Variants in RAB8B observed in about 807,000 individuals in gnomAD.
RAB8B encodes the protein RAB8B, member RAS oncogene family.
A neutral mutation model predicts 32.0 loss-of-function variants in RAB8B; 11 were observed. That is an observed-to-expected ratio of 0.34 (90% confidence interval 0.22 to 0.57). The LOEUF (loss-of-function observed/expected upper bound fraction) is 0.57. Ranked by LOEUF, RAB8B falls within the 20% of genes least tolerant of loss-of-function variation. The pLI is 0.86. For synonymous variants in RAB8B, 103 were observed against 89.6 expected, an observed-to-expected ratio of 1.15 and a Z score of -0.85; for missense variants, 190 against 258.5, an observed-to-expected ratio of 0.73 and a Z score of 1.82.
At chr15:63,199,651 GT>G (rs1164025746) in intron 1 of RAB8B, among the ~76,000 whole-genome samples, 2 of 151,652 alleles carry the variant, frequency 1.3e-5, no homozygotes, top group Non-Finnish European at 2.9e-5. Context: ...TCAACTTTGG[GT>G]TTTTTTTGTT....
At chr15:63,251,976 T>G (rs1370336775) in intron 3 of RAB8B, among the ~76,000 whole-genome samples, 1 of 151,976 alleles carries the variant, frequency 6.6e-6, no homozygotes, top group Non-Finnish European at 1.5e-5. Context: ...TTCAAACACA[T>G]CAACAGCATT....
At chr15:63,198,194 T>G (rs777075421) in intron 1 of RAB8B, among the ~76,000 whole-genome samples, 1 of 152,148 alleles carries the variant, frequency 6.6e-6, no homozygotes, top group Non-Finnish European at 1.5e-5. Context: ...CCGCATAAAG[T>G]GGTGGAAACA....
chr15:63,211,119 T>C (rs2037743594), intron 1 of RAB8B, among the ~76,000 whole-genome samples: 1 of 152,246 alleles, frequency 6.6e-6, no homozygotes, highest in Non-Finnish European at 1.5e-5. Flanking sequence ...ATGTGCGTCT[T>C]ATCTGCAAAA....
At chr15:63,244,716 C>G in intron 1 of RAB8B, 40 bp from the exon 2 acceptor site, 5 of 1,467,038 alleles carry the variant, frequency 3.4e-6, no homozygotes, top group Non-Finnish European at 4.7e-6. Flanking sequence ...TGGATTATAT[C>G]TGAAGAAACT....
At chr15:63,261,305 C>A (rs990484204) in intron 6 of RAB8B, among the ~76,000 whole-genome samples, 2 of 152,030 alleles carry the variant, frequency 1.3e-5, no homozygotes, top group Admixed American at 6.6e-5. Context: ...GAAAGGGGAA[C>A]CCTCATATAC....
In RAB8B at chr15:63,263,729, C is replaced by T. The variant is rs2038220690; in HGVS notation, c.*110C>T. The T allele has an allele frequency of 3.6e-6, 3 of 833,906 alleles. No individual in the cohort carries two copies. Among genetic ancestry groups the T allele is most frequent in the Non-Finnish European group, 5.9e-6 (3 of 510,600 alleles). 51.7% of individuals were successfully genotyped at this position (833,906 alleles called of 1,614,324 possible). A position where few individuals can be genotyped will look rare whatever the true frequency, so the allele number is the denominator to read the frequency against. On this transcript the variant is annotated 3_prime_UTR_variant, in exon 8 of 8. Coordinates refer to ENST00000321437, the MANE Select transcript of RAB8B (RefSeq NM_016530.3). ...CACCTCCCGGCTGCTGCTGAGAGCACCACTGAACTTAGACCTCTCAACACA... is the reference window on the plus strand; with the variant it reads ...CACCTCCCGGCTGCTGCTGAGAGCATCACTGAACTTAGACCTCTCAACACA...
At position 63,266,094 on chromosome 15, in the gene RAB8B, A is replaced by G. The variant is rs2038244771; in HGVS notation, c.*2475A>G. 6.6e-6 allele frequency: 1 copy of G among 152,604 alleles called. No individual in the cohort carries two copies. The highest frequency in any genetic ancestry group is 1.5e-5 in the Non-Finnish European group (1 of 68,000). The allele number at this position is 152,604 out of a possible 1,614,324, so 9.5% of individuals were successfully genotyped here. On this transcript the variant is annotated 3_prime_UTR_variant, in exon 8 of 8. Transcript: ENST00000321437. ...TTTTTTCTATTTGTAGATGAATTTA[A>G]TGACAGATAATTGTCTGTTCCCCGC...
At chr15:63,240,647 C>T (rs750153221) in intron 1 of RAB8B, among the ~76,000 whole-genome samples, 2 of 151,876 alleles carry the variant, frequency 1.3e-5, no homozygotes, top group African/African-American at 2.4e-5. Flanking sequence ...GTTCTGCAGC[C>T]GTTGTCTGTC....
At chr15:63,208,254 A>T (rs1371045089) in intron 1 of RAB8B, among the ~76,000 whole-genome samples, 1 of 152,146 alleles carries the variant, frequency 6.6e-6, no homozygotes, top group East Asian at 1.9e-4. Context: ...TGCTGGGTGG[A>T]CTGTGGCCAC....
At chr15:63,225,877 G>A (rs1354799988) in intron 1 of RAB8B, among the ~76,000 whole-genome samples, 1 of 152,112 alleles carries the variant, frequency 6.6e-6, no homozygotes, top group African/African-American at 2.4e-5. Context: ...GTCTCGCTCT[G>A]TCACCCAGGA....
chr15:63,197,626 G>C (rs1464018497), intron 1 of RAB8B, among the ~76,000 whole-genome samples: 1 of 151,816 alleles, frequency 6.6e-6, no homozygotes, highest in South Asian at 2.1e-4. Flanking sequence ...TGTCTGCCTC[G>C]GCCTCCCAAA....
chr15:63,199,075 T>C (rs2037626591), intron 1 of RAB8B, among the ~76,000 whole-genome samples: 1 of 152,216 alleles, frequency 6.6e-6, no homozygotes, highest in African/African-American at 2.4e-5. Context: ...CAATTCTTTA[T>C]TGAGAGTCAA....
chr15:63,236,582 C>T (rs967707944), intron 1 of RAB8B, among the ~76,000 whole-genome samples: 1 of 151,836 alleles, frequency 6.6e-6, no homozygotes, highest in African/African-American at 2.4e-5. Flanking sequence ...ATGATGTTCT[C>T]AAAAAGACTT....
rs2038251772 is a variant in RAB8B at position 63,266,766 on chromosome 15, G to A, written c.*3147G>A. The A allele has an allele frequency of 6.6e-6, 1 of 152,654 alleles. No homozygotes were observed. Among genetic ancestry groups the A allele is most frequent in the Non-Finnish European group, 1.5e-5 (1 of 68,002 alleles). 9.5% of individuals were successfully genotyped at this position (152,654 alleles called of 1,614,324 possible). A position where few individuals can be genotyped will look rare whatever the true frequency, so the allele number is the denominator to read the frequency against. On this transcript the variant is annotated 3_prime_UTR_variant, in exon 8 of 8. Transcript: ENST00000321437. Reference sequence around the variant, plus strand: ...TGTGCAATATAGGTGCGTTTTTGCAGAAGTTTCTAGTAAGAGATTATAACT... The same window carrying A: ...TGTGCAATATAGGTGCGTTTTTGCAAAAGTTTCTAGTAAGAGATTATAACT...
At chr15:63,255,809 T>C (rs1379052614) in intron 4 of RAB8B, among the ~76,000 whole-genome samples, 2 of 152,202 alleles carry the variant, frequency 1.3e-5, no homozygotes, top group Non-Finnish European at 2.9e-5. Context: ...GGGCCAGATA[T>C]GGGAAATAAT....
At chr15:63,238,255 T>C (rs2038000379) in intron 1 of RAB8B, among the ~76,000 whole-genome samples, 1 of 152,094 alleles carries the variant, frequency 6.6e-6, no homozygotes, top group African/African-American at 2.4e-5. Flanking sequence ...GTTGCTCCCT[T>C]ACTGCCAGGA....
intron 5 of RAB8B, among the ~76,000 whole-genome samples, 183 bp downstream of exon 5, chr15:63,256,777 T>A (rs2038162127): frequency 6.6e-6 from 1 of 152,232 alleles, no homozygotes; most frequent in African/African-American, 2.4e-5. Flanking sequence ...GATCCAGCTC[T>A]CTATACTGTG....
intron 1 of RAB8B, among the ~76,000 whole-genome samples, chr15:63,219,195 G>A (rs1323960954): frequency 2.0e-5 from 3 of 151,460 alleles, no homozygotes; most frequent in Admixed American, 6.6e-5. Flanking sequence ...TTACTCAGGA[G>A]GCTGAGGCAG....
rs1156600567 is a variant in RAB8B, at chr15:63,267,312, C to G, written c.*3693C>G. 1 of 152,630 alleles carries G rather than the reference C, an allele frequency of 6.6e-6. No homozygotes were observed. Among genetic ancestry groups the G allele is most frequent in the Non-Finnish European group, 1.5e-5 (1 of 68,036 alleles). 9.5% of individuals were successfully genotyped at this position (152,630 alleles called of 1,614,324 possible). On this transcript the variant is annotated 3_prime_UTR_variant, in exon 8 of 8. Coordinates refer to ENST00000321437, the MANE Select transcript of RAB8B (RefSeq NM_016530.3). ...GATATTTTCAGATTTTACTTCATTTCTTGAAATGCGTGTGCCATATGCAAT... is the reference window on the plus strand; with the variant it reads ...GATATTTTCAGATTTTACTTCATTTGTTGAAATGCGTGTGCCATATGCAAT...
Sources: allele counts gnomAD v4.1 joint callset (sites outside exome capture counted in the v4.1 genomes callset), GRCh38; gene constraint gnomAD v4.1.1; transcripts MANE v1.5; gene names NCBI Gene and HGNC (gene_info 2026-07-23, HGNC 2026-07-21).